Variants in IGF1R observed in about 807,000 individuals in gnomAD.
IGF1R encodes insulin-like growth factor 1 receptor.
In IGF1R, 44 loss-of-function variants were observed where a neutral mutation model predicts 144.6. That is an observed-to-expected ratio of 0.30 (90% CI 0.24 to 0.39). The LOEUF is 0.39. Among genes scored for constraint, IGF1R ranks in the 10% least tolerant of loss-of-function variants. The pLI is 1.00. For missense variants in IGF1R, 1,355 were observed against 1,833.7 expected, an observed-to-expected ratio of 0.74 and a Z score of 4.77; for synonymous variants, 795 against 722.8, an observed-to-expected ratio of 1.10 and a Z score of -1.60.
At chr15:98,699,282 G>A (rs1426960985) in intron 1 of IGF1R, among the ~76,000 whole-genome samples, 1 of 152,180 alleles carries the variant, frequency 6.6e-6, no homozygotes, top group African/African-American at 2.4e-5. Context: ...GACTAGGCAG[G>A]TGCTGCCCCT....
At chr15:98,680,332 TCTCGG>T (rs1284138185) in intron 1 of IGF1R, among the ~76,000 whole-genome samples, 1 of 151,872 alleles carries the variant, frequency 6.6e-6, no homozygotes. Context: ...AGTGGTGCAG[TCTCGG>T]CTCACTGCAA....
chr15:98,661,942 A>C (rs2052608820), intron 1 of IGF1R, among the ~76,000 whole-genome samples: 1 of 138,860 alleles, frequency 7.2e-6, no homozygotes, highest in African/African-American at 2.8e-5. Context: ...AATTGCTGCC[A>C]GTTGAATAGG....
At chr15:98,652,049 G>A (rs1192711728) in intron 1 of IGF1R, among the ~76,000 whole-genome samples, 2 of 152,234 alleles carry the variant, frequency 1.3e-5, no homozygotes, top group Non-Finnish European at 2.9e-5. Flanking sequence ...TGGTTCAGTT[G>A]CAGGTATTTT....
intron 2 of IGF1R, among the ~76,000 whole-genome samples, chr15:98,859,179 G>A (rs571051758): frequency 2.5e-4 from 38 of 152,176 alleles, no homozygotes; most frequent in African/African-American, 8.7e-4. Context: ...CATGTATATT[G>A]AGATCGGTGT....
chr15:98,956,018 C>T (rs2151736319), intron 20 of IGF1R, among the ~76,000 whole-genome samples: 1 of 152,364 alleles, frequency 6.6e-6, no homozygotes, highest in African/African-American at 2.4e-5. Flanking sequence ...GAACTATGGC[C>T]AGCCCTGGAT....
chr15:98,846,999 C>T (rs1167973220), intron 2 of IGF1R, among the ~76,000 whole-genome samples: 1 of 152,040 alleles, frequency 6.6e-6, no homozygotes, highest in African/African-American at 2.4e-5. Flanking sequence ...TTTTTGGACA[C>T]AAATTCTCAC....
chr15:98,693,692 G>A (rs895594829), intron 1 of IGF1R, among the ~76,000 whole-genome samples: 11 of 152,162 alleles, frequency 7.2e-5, no homozygotes, highest in Non-Finnish European at 1.5e-4. Context: ...TGCAACCTCT[G>A]CCTCCCGGGT....
rs1264004232 is a variant in IGF1R at position 98,648,549 on chromosome 15, A to AGCGGCG, written c.-1023_-1018dup. 7.0e-6 allele frequency among the ~76,000 whole-genome samples: 1 copy of AGCGGCG among 143,756 alleles called. No homozygotes were observed. The highest frequency in any genetic ancestry group is 2.1e-4 in the East Asian group (1 of 4,872). 94.3% of individuals were successfully genotyped at this position (143,756 alleles called of 152,430 possible). On this transcript the variant is annotated 5_prime_UTR_variant, in exon 1 of 21. Coordinates refer to ENST00000650285, the MANE Select transcript of IGF1R (RefSeq NM_000875.5). ...CGCGCGCGAGCCCCCAGTGTGTGGC[A>AGCGGCG]GCGGCGGCGGCGGCGCGGCGAGGCT...
chr15:98,812,325 T>G (rs1357047646), intron 2 of IGF1R, among the ~76,000 whole-genome samples: 1 of 152,050 alleles, frequency 6.6e-6, no homozygotes, highest in South Asian at 2.1e-4. Flanking sequence ...GTCACCATTG[T>G]ATTATTTTTA....
intron 2 of IGF1R, among the ~76,000 whole-genome samples, chr15:98,862,705 G>T (rs1463060692): frequency 6.6e-6 from 1 of 152,172 alleles, no homozygotes; most frequent in Non-Finnish European, 1.5e-5. Flanking sequence ...TTATTGATTT[G>T]CATGTATCCT....
chr15:98,761,260 G>A (rs939419599), intron 2 of IGF1R, among the ~76,000 whole-genome samples: 1 of 152,244 alleles, frequency 6.6e-6, no homozygotes, highest in South Asian at 2.1e-4. Flanking sequence ...GGGTGTCACA[G>A]AGACATGACA....
At chr15:98,859,777 G>A (rs2012044141) in intron 2 of IGF1R, among the ~76,000 whole-genome samples, 1 of 152,192 alleles carries the variant, frequency 6.6e-6, no homozygotes, top group African/African-American at 2.4e-5. Context: ...ATAAGAAGGT[G>A]TATGTGTTAG....
intron 1 of IGF1R, among the ~76,000 whole-genome samples, chr15:98,667,689 AGAG>A (rs1443379727): frequency 6.6e-6 from 1 of 152,148 alleles, no homozygotes; most frequent in African/African-American, 2.4e-5. Flanking sequence ...TCTGGCTTCC[AGAG>A]GAGCTTTCTC....
intron 2 of IGF1R, among the ~76,000 whole-genome samples, chr15:98,808,337 C>A (rs2056510064): frequency 6.6e-6 from 1 of 152,192 alleles, no homozygotes; most frequent in Non-Finnish European, 1.5e-5. Flanking sequence ...TCTTTATCCT[C>A]TTCAAAAATG....
intron 13 of IGF1R, among the ~76,000 whole-genome samples, chr15:98,926,498 A>T (rs1421222499): frequency 2.0e-5 from 3 of 152,226 alleles, no homozygotes; most frequent in African/African-American, 7.2e-5. Context: ...ACATATGTTA[A>T]TTAGGCTCAT....
rs34443123 is a variant in IGF1R, at chr15:98,835,080, T to TACACAC, written c.641-56220_641-56215dup. ...GGCCAGGGCAAGAGAACACCCCCCC[T>TACACAC]ACACACACACACACACACACACACA... On this transcript the variant is annotated intron_variant, in intron 2 of 20. Transcript: ENST00000650285. 1.7e-3 allele frequency among the ~76,000 whole-genome samples: 217 copies of TACACAC among 130,492 alleles called. 3 individuals are homozygous for TACACAC. The highest frequency in any genetic ancestry group is 5.9e-3 in the East Asian group (27 of 4,552). The allele number at this position is 130,492 out of a possible 152,430, so 85.6% of individuals were successfully genotyped here.
rs1009742581 is a variant in IGF1R at position 98,707,305 on chromosome 15, C to T, written c.95-257C>T. 3.1e-4 allele frequency among the ~76,000 whole-genome samples: 47 copies of T among 152,124 alleles called. No individual in the cohort carries two copies. Among genetic ancestry groups the T allele is most frequent in the African/African-American group, 7.2e-4 (30 of 41,426 alleles). On this transcript the variant is annotated intron_variant, in intron 1 of 20. Transcript: ENST00000650285. This position sits in a 1 kb window ranked among gnomAD's most constrained non-coding sequence, Gnocchi z 6.7. The stretch of plus-strand genomic sequence containing the variant: ...TGTAAGCTTTAGTTTGCACGGTTAA[C>T]GGGGATGGCCTCTCCCATGGTCGGT...
intron 2 of IGF1R, among the ~76,000 whole-genome samples, chr15:98,798,492 G>A (rs2056296218): frequency 6.6e-6 from 1 of 152,202 alleles, no homozygotes; most frequent in South Asian, 2.1e-4. Context: ...CGTTAAGAGA[G>A]ACTGTAAGGG....
At chr15:98,864,680 T>C (rs1301653917) in intron 2 of IGF1R, among the ~76,000 whole-genome samples, 1 of 152,218 alleles carries the variant, frequency 6.6e-6, no homozygotes, top group Non-Finnish European at 1.5e-5. Context: ...GCCACAGCGC[T>C]CAGCCTAAAA....
Sources: allele counts gnomAD v4.1 joint callset (sites outside exome capture counted in the v4.1 genomes callset), GRCh38; gene constraint gnomAD v4.1.1; non-coding constraint Gnocchi (gnomAD v3.1); transcripts MANE v1.5; gene names NCBI Gene and HGNC (gene_info 2026-07-23, HGNC 2026-07-21).